TRHDE: variants seen among roughly 807,000 people sequenced by gnomAD.
TRHDE encodes the protein thyrotropin-releasing hormone-degrading ectoenzyme.
TRHDE carries 72 observed loss-of-function variants against 125.7 expected under a neutral mutation model. The ratio of observed to expected loss-of-function variants is 0.57; its 90% CI spans 0.47 to 0.70. The LOEUF (loss-of-function observed/expected upper bound fraction) is 0.70. TRHDE is among the 30% of genes least tolerant of loss of function. The probability of loss-of-function intolerance (pLI) is 0.00; values close to 1 mark genes in which losing one functional copy is unlikely to be tolerated. For synonymous variants in TRHDE, 509 were observed against 509.1 expected (o/e 1.00, Z 0.00); for missense variants, 1,110 against 1,327.1 (o/e 0.84, Z 2.54).
At chr12:72,340,236 G>A (rs1316552781) in intron 2 of TRHDE, among the ~76,000 whole-genome samples, 1 of 152,120 alleles carries the variant, frequency 6.6e-6, no homozygotes, top group African/African-American at 2.4e-5. Context: ...GAAGTTAGCT[G>A]TTCAGATGAA....
chr12:72,116,025 T>A (rs1347571200), intron 2 of TRHDE, among the ~76,000 whole-genome samples: 1 of 152,082 alleles, frequency 6.6e-6, no homozygotes, highest in Non-Finnish European at 1.5e-5. Context: ...ACTTACCCTC[T>A]GACAGGCCCC....
rs1390945128 is a variant in TRHDE, at chr12:72,575,385, T to C, written c.2262T>C (p.His754=). The C allele has an allele frequency of 6.2e-7, 1 of 1,613,634 alleles. No homozygotes were observed. The highest frequency in any genetic ancestry group is 1.7e-4 in the Middle Eastern group (1 of 6,048). ...TAATTGATCAATTAATCCGGAATCA[T>C]GAGGTACACTCCAGATTTGCTTATC... ...RLLIDQLIRN[H]EVLSVSNRAG... The change falls in exon 11 of 19, where the codon CAT becomes CAC. Residue 754 remains histidine, a synonymous_variant. Coordinates refer to ENST00000261180, the MANE Select transcript of TRHDE (RefSeq NM_013381.3).
At chr12:72,194,448 G>A (rs1030233050) in intron 2 of TRHDE, among the ~76,000 whole-genome samples, 35 of 151,970 alleles carry the variant, frequency 2.3e-4, no homozygotes, top group Admixed American at 3.9e-4. Context: ...TTTAGATTTG[G>A]GGGGTACATG....
intron 4 of TRHDE, among the ~76,000 whole-genome samples, chr12:72,471,832 G>A (rs1234003225): frequency 6.6e-6 from 1 of 152,102 alleles, no homozygotes; most frequent in African/African-American, 2.4e-5. Flanking sequence ...TGTTAATGTG[G>A]CTCCTAAAGC....
intron 7 of TRHDE, 111 bp from the exon 8 acceptor site, chr12:72,562,054 C>A: frequency 3.9e-6 from 2 of 518,064 alleles, no homozygotes; most frequent in South Asian, 2.8e-5. Flanking sequence ...TTTTTATGTC[C>A]TTTTTTATTA....
At chr12:72,547,508 G>A (rs1312303618) in intron 7 of TRHDE, among the ~76,000 whole-genome samples, 2 of 151,734 alleles carry the variant, frequency 1.3e-5, no homozygotes, top group African/African-American at 2.4e-5. Context: ...AAAGACGGGA[G>A]TTTACTACTG....
intron 6 of TRHDE, among the ~76,000 whole-genome samples, chr12:72,535,009 CT>C (rs763593954): frequency 6.6e-6 from 1 of 150,914 alleles, no homozygotes; most frequent in Non-Finnish European, 1.5e-5. Flanking sequence ...TACCACAGGA[CT>C]TTTTTTTAAA....
intron 2 of TRHDE, among the ~76,000 whole-genome samples, chr12:72,336,905 A>C (rs1869853453): frequency 6.6e-6 from 1 of 152,200 alleles, no homozygotes; most frequent in Non-Finnish European, 1.5e-5. Flanking sequence ...TTTGGGGGAC[A>C]CATTCAAACC....
intron 2 of TRHDE, among the ~76,000 whole-genome samples, chr12:72,127,477 C>T (rs985804658): frequency 7.9e-5 from 12 of 152,190 alleles, no homozygotes; most frequent in Non-Finnish European, 1.8e-4. Context: ...AAATGTGGTA[C>T]ATACACACCA....
intron 2 of TRHDE, among the ~76,000 whole-genome samples, chr12:72,252,433 GAA>G (rs143598573): frequency 0.026 from 3,965 of 152,146 alleles, 105 homozygotes; most frequent in Non-Finnish European, 0.036. Context: ...AAATCGATTG[GAA>G]AACAATCAGT....
intron 1 of TRHDE, among the ~76,000 whole-genome samples, chr12:72,095,237 C>T (rs1371293023): frequency 1.3e-5 from 2 of 152,202 alleles, no homozygotes; most frequent in East Asian, 1.9e-4. Flanking sequence ...CCAACACCCA[C>T]GGACCCCTGT....
At position 72,663,508 on chromosome 12, in the gene TRHDE, C is replaced by G. The variant is rs548109937; in HGVS notation, c.*313C>G. The stretch of plus-strand genomic sequence containing the variant: ...ATGATAGTGATGCATGTTGATGTTA[C>G]AGTCAATTTGGAAAAACATATTCAG... On this transcript the variant is annotated 3_prime_UTR_variant, in exon 19 of 19. Transcript: ENST00000261180. 5.3e-6 allele frequency: 1 copy of G among 187,476 alleles called. No homozygotes were observed. The highest frequency in any genetic ancestry group is 1.4e-4 in the East Asian group (1 of 7,342). The allele number at this position is 187,476 out of a possible 1,614,324, so 11.6% of individuals were successfully genotyped here.
intron 12 of TRHDE, among the ~76,000 whole-genome samples, chr12:72,590,819 T>C (rs1871641479): frequency 6.6e-6 from 1 of 152,202 alleles, no homozygotes; most frequent in African/African-American, 2.4e-5. Context: ...AATGTAATTA[T>C]TGATTCAGTT....
chr12:72,246,364 T>C (rs1421607680), intron 2 of TRHDE, among the ~76,000 whole-genome samples: 3 of 152,212 alleles, frequency 2.0e-5, no homozygotes, highest in African/African-American at 7.2e-5. Context: ...CATGCACTTA[T>C]TTTGAGTTTC....
intron 2 of TRHDE, chr12:72,256,647 G>GAATA (rs1878821783): frequency 6.6e-6 from 1 of 152,192 alleles, no homozygotes; most frequent in Non-Finnish European, 1.5e-5. Context: ...ATGAATGAAT[G>GAATA]AATAGCAGAG....
intron 1 of TRHDE, among the ~76,000 whole-genome samples, chr12:72,088,399 A>G (rs77605229): frequency 0.025 from 3,864 of 152,236 alleles, 109 homozygotes; most frequent in East Asian, 0.11. Flanking sequence ...TTTTAGCATT[A>G]AAGTATATAG....
intron 15 of TRHDE, among the ~76,000 whole-genome samples, chr12:72,628,782 G>C (rs569373770): frequency 6.6e-6 from 1 of 151,908 alleles, no homozygotes; most frequent in African/African-American, 2.4e-5. Context: ...TTGCTACCTG[G>C]TTTATTATTT....
At chr12:72,484,230 G>T (rs1877304394) in intron 5 of TRHDE, among the ~76,000 whole-genome samples, 1 of 152,090 alleles carries the variant, frequency 6.6e-6, no homozygotes, top group South Asian at 2.1e-4. Context: ...AAAATGAATG[G>T]ATAAGTATGA....
chr12:72,380,766 G>GCTTCTTTCCTTC (rs1555181471), intron 3 of TRHDE, among the ~76,000 whole-genome samples: 1 of 71,012 alleles, frequency 1.4e-5, no homozygotes, highest in African/African-American at 7.1e-5. Flanking sequence ...TTCCTTCCTT[G>GCTTCTTTCCTTC]CTTCCTTCCT....
Sources: gnomAD v4.1 joint callset for allele counts (sites outside exome capture counted in the v4.1 genomes callset) on GRCh38, gnomAD v4.1.1 for gene constraint, MANE v1.5 for transcripts, NCBI Gene and HGNC (gene_info 2026-07-23, HGNC 2026-07-21) for gene names.